HPS4: variants seen among roughly 807,000 people sequenced by gnomAD.
HPS4 encodes BLOC-3 complex member HPS4.
Under a neutral mutation model 70.3 loss-of-function variants are expected in HPS4, and 44 were observed. That is an observed-to-expected ratio of 0.63 (90% confidence interval 0.49 to 0.80). The LOEUF is 0.80. Ranked by LOEUF, HPS4 falls within the 30% of genes least tolerant of loss-of-function variation. The pLI is 0.00. For synonymous variants in HPS4, 377 were observed against 355.9 expected, an observed-to-expected ratio of 1.06 and a Z score of -0.67; for missense variants, 873 against 884.4, an observed-to-expected ratio of 0.99 and a Z score of 0.16.
At chr22:26,460,942 C>T (rs1257562736) in intron 11 of HPS4, among the ~76,000 whole-genome samples, 2 of 152,242 alleles carry the variant, frequency 1.3e-5, no homozygotes, top group African/African-American at 4.8e-5. Flanking sequence ...TGTTTTTGTA[C>T]TGCAACAGCA....
chr22:26,448,485 A>G (rs2085029596), downstream of HPS4, among the ~76,000 whole-genome samples: 1 of 152,162 alleles, frequency 6.6e-6, no homozygotes, highest in African/African-American at 2.4e-5. Flanking sequence ...TGAACAGCAC[A>G]CTCGGTAGAG....
intron 13 of HPS4, 52 bp downstream of exon 13, chr22:26,457,807 C>A (rs1164458279): frequency 1.1e-5 from 15 of 1,402,404 alleles, no homozygotes; most frequent in Middle Eastern, 3.5e-4. Flanking sequence ...CAGGTGGTTC[C>A]CATGAGCAGG....
At position 26,457,946 on chromosome 22, in the gene HPS4, GT is replaced by G. The variant is rs1601823814; in HGVS notation, c.1867del (p.Thr623ProfsTer13). The G allele has an allele frequency of 6.2e-7, 1 of 1,613,778 alleles. No homozygotes were observed. Among genetic ancestry groups the G allele is most frequent in the African/African-American group, 1.3e-5 (1 of 75,066 alleles). On this transcript the variant is annotated frameshift_variant, in exon 13 of 14. Coordinates refer to ENST00000398145, the MANE Select transcript of HPS4 (RefSeq NM_022081.6). LOFTEE classifies it high-confidence loss of function. ...LLMANLPQVATPQDRRFLQAV... is the reference protein window; with the variant it reads ...LLMANLPQVAXPQDRRFLQAV... ...CTGGAGGAAGCGGCGATCCTGCGGG[GT>G]GGCCACCTGCGGCAGGTTTGCTTCC... is the stretch of plus-strand genomic sequence containing the variant.
chr22:26,455,437 A>G (rs1376172859), intron 13 of HPS4, among the ~76,000 whole-genome samples: 1 of 151,722 alleles, frequency 6.6e-6, no homozygotes, highest in Non-Finnish European at 1.5e-5. Context: ...TTGTAGGGAC[A>G]TGGATGAAAC....
chr22:26,470,006 C>T (rs2089513718), intron 7 of HPS4, among the ~76,000 whole-genome samples: 1 of 152,254 alleles, frequency 6.6e-6, no homozygotes, highest in Non-Finnish European at 1.5e-5. Context: ...GATCTGGGGC[C>T]GAGCCTGTCT....
intron 5 of HPS4, 143 bp downstream of exon 5, chr22:26,472,689 G>T: frequency 1.3e-6 from 1 of 788,244 alleles, no homozygotes; most frequent in Non-Finnish European, 2.3e-6. Context: ...GCATATGAGG[G>T]GCCTCCAAGA....
rs1569076689 is a variant in HPS4 at position 26,466,266 on chromosome 22, AAAAC to A, written c.670-8_670-5del. On this transcript the variant is annotated splice_polypyrimidine_tract_variant and splice_region_variant and intron_variant, in intron 8 of 13. Transcript: ENST00000398145. ...CATCCTCTCCCGTAGGGAGTCTCTG[AAAAC>A]AAACACACACAGAAGTTGGCGCTGG... 1.2e-6 allele frequency: 2 copies of A among 1,614,142 alleles called. No homozygotes were observed. Among genetic ancestry groups the A allele is most frequent in the Admixed American group, 1.7e-5 (1 of 60,020 alleles).
intron 5 of HPS4, 122 bp from the exon 6 acceptor site, chr22:26,472,540 T>G: frequency 1.2e-6 from 1 of 802,636 alleles, no homozygotes; most frequent in Non-Finnish European, 2.2e-6. Flanking sequence ...GGAGGACCTG[T>G]TTTAAACCTA....
At position 26,479,275 on chromosome 22, in the gene HPS4, T is replaced by TAA; in HGVS notation, c.120_121dup (p.Tyr41PhefsTer8). The TAA allele has an allele frequency of 6.2e-7, 1 of 1,614,162 alleles. No individual in the cohort carries two copies. Among genetic ancestry groups the TAA allele is most frequent in the African/African-American group, 1.3e-5 (1 of 75,048 alleles). ...TGCTGTGTGGCTTACCTGGGAAGGA[T>TAA]AAAAGTAACAAATGCCAGCTCTTGT... On this transcript the variant is annotated frameshift_variant, in exon 3 of 14. Transcript: ENST00000398145. LOFTEE classifies it high-confidence loss of function.
chr22:26,483,764 C>T lies in HPS4; in HGVS notation c.-569G>A. 3.3e-6 allele frequency: 2 copies of T among 610,680 alleles called. No individual in the cohort carries two copies. Among genetic ancestry groups the T allele is most frequent in the Non-Finnish European group, 4.9e-6 (2 of 410,948 alleles). The allele number at this position is 610,680 out of a possible 1,614,324, so 37.8% of individuals were successfully genotyped here. ...GGGTACCTGCGACTTCTGCCCCGTA[C>T]CTGCGCGCGCGGCAGAGAGGCCTTA... On this transcript the variant is annotated 5_prime_UTR_variant, in exon 1 of 14. Transcript: ENST00000398145.
At chr22:26,449,090 G>A (rs2146175639), downstream of HPS4, among the ~76,000 whole-genome samples, 1 of 152,212 alleles carries the variant, frequency 6.6e-6, no homozygotes, top group East Asian at 1.9e-4. Flanking sequence ...CTCCTTCAGG[G>A]CAGGAATCTA....
chr22:26,456,807 C>T (rs1398998621), intron 13 of HPS4, among the ~76,000 whole-genome samples: 5 of 152,166 alleles, frequency 3.3e-5, no homozygotes, highest in Admixed American at 2.6e-4. Context: ...CCAGTCTCCT[C>T]GGGCTTTTAT....
Position 26,473,373 on chromosome 22 carries a change from T to C in HPS4, c.277-434A>G, listed in dbSNP as rs116713509. Reference sequence around the variant, plus strand: ...CAAACTCCTTCATGAATGGCCATCATGTTTCTCCAGCTGGATAGAGTGCTT... The same window carrying C: ...CAAACTCCTTCATGAATGGCCATCACGTTTCTCCAGCTGGATAGAGTGCTT... On this transcript the variant is annotated intron_variant, in intron 4 of 13. Transcript: ENST00000398145. 3.0e-3 allele frequency among the ~76,000 whole-genome samples: 463 copies of C among 152,326 alleles called. 3 individuals are homozygous for C. Among genetic ancestry groups the C allele is most frequent in the African/African-American group, 0.01 (435 of 41,568 alleles).
intron 12 of HPS4, 31 bp from the exon 13 acceptor site, chr22:26,457,998 GCAGA>G (rs1387347922): frequency 2.1e-5 from 32 of 1,556,138 alleles, no homozygotes; most frequent in Non-Finnish European, 2.7e-5. Flanking sequence ...GTTGTGAAGA[GCAGA>G]CAGTTACCTT....
rs758902895 is a variant in HPS4 at position 26,464,615 on chromosome 22, C to T, written c.1015G>A (p.Ala339Thr). 16 of 1,614,056 alleles carry T rather than the reference C, an allele frequency of 9.9e-6. No homozygotes were observed. The highest frequency in any genetic ancestry group is 5.0e-5 in the Admixed American group (3 of 60,002). ...SGHDLESIRP[A>T]GLHNSARGEV... The stretch of plus-strand genomic sequence containing the variant: ...CCCCTGGCAGAGTTGTGCAGTCCTG[C>T]GGGCCTGATGCTCTCCAGATCATGG... Residue 339 changes from alanine to threonine, a missense_variant, in exon 11 of 14, where the codon GCA becomes ACA. Ala to Thr is a moderately conservative substitution (Grantham distance 58). Coordinates refer to ENST00000398145, the MANE Select transcript of HPS4 (RefSeq NM_022081.6).
downstream of HPS4, among the ~76,000 whole-genome samples, chr22:26,450,781 G>A (rs953846838): frequency 2.0e-5 from 3 of 152,184 alleles, no homozygotes; most frequent in African/African-American, 4.8e-5. Flanking sequence ...TCTCTTTGCT[G>A]CCACCATGTG....
chr22:26,467,819 A>G (rs778543382), intron 8 of HPS4: 3 of 152,292 alleles, frequency 2.0e-5, no homozygotes, highest in Non-Finnish European at 4.4e-5. Flanking sequence ...ATGAGCATGC[A>G]TGGCTTTTTT....
intron 13 of HPS4, 111 bp from the exon 14 acceptor site, chr22:26,453,515 G>T: frequency 1.8e-6 from 2 of 1,106,584 alleles, no homozygotes; most frequent in Non-Finnish European, 2.7e-6. Flanking sequence ...ACCCAATGTG[G>T]CATGTGCAGC....
Position 26,452,029 on chromosome 22 carries a change from C to G in HPS4, c.*1204G>C. On this transcript the variant is annotated 3_prime_UTR_variant, in exon 14 of 14. Coordinates refer to ENST00000398145, the MANE Select transcript of HPS4 (RefSeq NM_022081.6). ...GCACACACACACACACACACACACA[C>G]ACACACACACACACTGTCTTAACCC... 1 of 300,660 alleles carries G rather than the reference C, an allele frequency of 3.3e-6. No individual in the cohort carries two copies. 18.6% of individuals were successfully genotyped at this position (300,660 alleles called of 1,614,324 possible).
Sources: gnomAD v4.1 joint callset for allele counts (sites outside exome capture counted in the v4.1 genomes callset) on GRCh38, gnomAD v4.1.1 for gene constraint, MANE v1.5 for transcripts, NCBI Gene and HGNC (gene_info 2026-07-23, HGNC 2026-07-21) for gene names.